TLK2: variants seen among roughly 807,000 people sequenced by gnomAD.
TLK2 encodes the protein tousled like kinase 2, also known as serine/threonine-protein kinase tousled-like 2.
Under a neutral mutation model 117.3 loss-of-function variants are expected in TLK2, and 6 were observed. That is an observed-to-expected ratio of 0.05 (90% confidence interval 0.03 to 0.10). TLK2 has a LOEUF of 0.10. TLK2 is among the 10% of genes least tolerant of loss of function. The pLI, the probability that TLK2 is intolerant of heterozygous loss-of-function variation, is 1.00. For synonymous variants in TLK2, 257 were observed against 316.7 expected, an observed-to-expected ratio of 0.81 and a Z score of 2.00; for missense variants, 299 against 901.2, an observed-to-expected ratio of 0.33 and a Z score of 8.56.
chr17:62,520,782 A>C lies in TLK2; in HGVS notation c.91A>C (p.Asn31His). Reference protein sequence around the residue: ...TGVGVSKGPLNSESSNQSLCS... With the variant: ...TGVGVSKGPLHSESSNQSLCS... ...TTTTTTTTTCTTTCAGGGACCACTT[A>C]ATAGTGAGTCTTCCAACCAGAGCTT... is the stretch of plus-strand genomic sequence containing the variant. Residue 31 changes from asparagine to histidine, a missense_variant, in exon 3 of 22, where the codon AAT becomes CAT. By Grantham distance (68) the Asn-to-His change is moderately conservative. Around this residue, in one of 4 missense-constraint regions of TLK2, gnomAD observed 105 missense variants for 218.4 expected, o/e 0.48. Transcript: ENST00000346027. 1 of 1,613,020 alleles carries C rather than the reference A, an allele frequency of 6.2e-7. No homozygotes were observed. Among genetic ancestry groups the C allele is most frequent in the Non-Finnish European group, 8.5e-7 (1 of 1,179,428 alleles).
intron 7 of TLK2, among the ~76,000 whole-genome samples, chr17:62,545,602 A>G (rs9891649): frequency 0.37 from 55,665 of 151,822 alleles, 10,387 homozygotes; most frequent in Admixed American, 0.41. Flanking sequence ...GGATGACAGA[A>G]CGAGAGACTG....
At position 62,512,322 on chromosome 17, in the gene TLK2, A is replaced by G. The variant is rs2075216640; in HGVS notation, c.82-8451A>G. Among the ~76,000 whole-genome samples, 4 of 148,616 alleles carry G rather than the reference A, an allele frequency of 2.7e-5. No homozygotes were observed. The Admixed American group carries it at 2.8e-4, about 10-fold the overall frequency. ...ACTGCAACCTCTGCCCCCTGGGTTC[A>G]AGCAATTCTCCTGCCTCAGCCTCCC... On this transcript the variant is annotated intron_variant, in intron 2 of 21. Coordinates refer to ENST00000346027, the MANE Select transcript of TLK2 (RefSeq NM_006852.6).
At chr17:62,544,571 C>T (rs1043209485) in intron 7 of TLK2, among the ~76,000 whole-genome samples, 2 of 152,136 alleles carry the variant, frequency 1.3e-5, no homozygotes, top group African/African-American at 4.8e-5. Flanking sequence ...ACCATACCAC[C>T]TGTCTTTATG....
At chr17:62,476,489 G>A (rs1453773022), upstream of TLK2, among the ~76,000 whole-genome samples, 15 of 151,958 alleles carry the variant, frequency 9.9e-5, no homozygotes, top group African/African-American at 9.7e-5. Context: ...AGGCTGAGGC[G>A]GGAGAATCGC....
At chr17:62,576,528 A>G (rs182558274) in intron 12 of TLK2, among the ~76,000 whole-genome samples, 181 bp from the exon 13 acceptor site, 4 of 152,292 alleles carry the variant, frequency 2.6e-5, no homozygotes, top group Admixed American at 6.5e-5. Context: ...CTTCCCTCAC[A>G]TCACATCTGG....
chr17:62,528,449 CTG>C (rs2076523256), intron 6 of TLK2, among the ~76,000 whole-genome samples: 1 of 152,086 alleles, frequency 6.6e-6, no homozygotes, highest in Non-Finnish European at 1.5e-5. Flanking sequence ...CAAAGTCTCA[CTG>C]TATCCCCCAG....
chr17:62,507,096 T>A (rs1301718001), intron 2 of TLK2, among the ~76,000 whole-genome samples: 2 of 152,068 alleles, frequency 1.3e-5, no homozygotes, highest in Non-Finnish European at 2.9e-5. Flanking sequence ...TTTACAGTGT[T>A]TTGTCACTTA....
At chr17:62,569,477 C>A (rs1424067208) in intron 11 of TLK2, among the ~76,000 whole-genome samples, 1 of 141,872 alleles carries the variant, frequency 7.0e-6, no homozygotes, top group Non-Finnish European at 1.5e-5. Flanking sequence ...GCTCTGTTGC[C>A]CAGGCTGGAG....
At chr17:62,555,671 G>A (rs1424790720) in intron 9 of TLK2, among the ~76,000 whole-genome samples, 1 of 151,744 alleles carries the variant, frequency 6.6e-6, no homozygotes. Flanking sequence ...TAGAGACGGG[G>A]TTTCACCATG....
At chr17:62,604,025 A>T (rs2147214938) in intron 19 of TLK2, among the ~76,000 whole-genome samples, 2 of 149,290 alleles carry the variant, frequency 1.3e-5, no homozygotes, top group Non-Finnish European at 3.0e-5. Context: ...TTTATTTGAG[A>T]CGGAGTTTCG....
In TLK2 at chr17:62,565,147, T is replaced by C. The variant is rs1372906354; in HGVS notation, c.968+10T>C. ...TTCAGAATCTTATCAAGTAAGTGAA[T>C]TGTTATGATTAAATGGAGAATTGAA... is the stretch of plus-strand genomic sequence containing the variant. On this transcript the variant is annotated intron_variant, in intron 11 of 21. Transcript: ENST00000346027. 2 of 1,594,420 alleles carry C rather than the reference T, an allele frequency of 1.3e-6. No individual in the cohort carries two copies. The highest frequency in any genetic ancestry group is 1.9e-5 in the Admixed American group (1 of 53,252).
At chr17:62,482,882 C>A (rs1357856095) in intron 2 of TLK2, among the ~76,000 whole-genome samples, 1 of 152,128 alleles carries the variant, frequency 6.6e-6, no homozygotes, top group East Asian at 1.9e-4. Flanking sequence ...GAGATGATAC[C>A]GTGATGAGAT....
In TLK2 at chr17:62,533,367, GGTGTGTGTGT is replaced by G. The variant is rs369887924; in HGVS notation, c.364-2788_364-2779del. 2.7e-5 allele frequency among the ~76,000 whole-genome samples: 3 copies of G among 111,122 alleles called. 1 individual carries two copies. Among genetic ancestry groups the G allele is most frequent in the Non-Finnish European group, 5.8e-5 (3 of 51,308 alleles). 72.9% of individuals were successfully genotyped at this position (111,122 alleles called of 152,430 possible). On this transcript the variant is annotated intron_variant, in intron 6 of 21. Coordinates refer to ENST00000346027, the MANE Select transcript of TLK2 (RefSeq NM_006852.6). ...TCCCATATGGTGTATTCCTATACGG[GGTGTGTGTGT>G]GTGTGTGTGTGTGTCTGTGTGTGTG...
chr17:62,591,418 A>G (rs2082073461), intron 16 of TLK2, among the ~76,000 whole-genome samples: 1 of 151,554 alleles, frequency 6.6e-6, no homozygotes, highest in Non-Finnish European at 1.5e-5. Context: ...GGCCAAAGCT[A>G]CATTTGCTGA....
At chr17:62,551,358 A>G (rs1291302173) in intron 7 of TLK2, among the ~76,000 whole-genome samples, 3 of 152,202 alleles carry the variant, frequency 2.0e-5, no homozygotes, top group Non-Finnish European at 4.4e-5. Flanking sequence ...AATATTTTCT[A>G]CTTATGTCTG....
At position 62,478,970 on chromosome 17, in the gene TLK2, TCCTG is replaced by T. The variant is rs2071260976; in HGVS notation, c.-324_-321del. 1 of 149,466 alleles carries T rather than the reference TCCTG, an allele frequency of 6.7e-6. No individual in the cohort carries two copies. Among genetic ancestry groups the T allele is most frequent in the Admixed American group, 6.6e-5 (1 of 15,062 alleles). The allele number at this position is 149,466 out of a possible 1,614,324, so 9.3% of individuals were successfully genotyped here. On this transcript the variant is annotated 5_prime_UTR_variant, in exon 1 of 22. Coordinates refer to ENST00000346027, the MANE Select transcript of TLK2 (RefSeq NM_006852.6). ...CCACCTCCTGGCCCGGCCTGGGCCC[TCCTG>T]CGCCTCCCTTGGCCTTTGTCCGGCG...
chr17:62,570,364 T>TG (rs2080180657), intron 11 of TLK2, among the ~76,000 whole-genome samples: 1 of 152,168 alleles, frequency 6.6e-6, no homozygotes, highest in Admixed American at 6.5e-5. Flanking sequence ...CCTCTTGCTA[T>TG]GGGTGATGAA....
At chr17:62,541,508 AAT>A (rs1301015862) in intron 7 of TLK2, among the ~76,000 whole-genome samples, 3 of 152,228 alleles carry the variant, frequency 2.0e-5, no homozygotes, top group Admixed American at 6.5e-5. Context: ...AAGATTTCTA[AAT>A]ATGTGTTGAT....
At chr17:62,473,041 C>T (rs892273970) in intron 1 of TLK2, among the ~76,000 whole-genome samples, 1 of 152,196 alleles carries the variant, frequency 6.6e-6, no homozygotes, top group African/African-American at 2.4e-5. Flanking sequence ...AACCCACTCT[C>T]ATTTTATTCC....
Sources: allele counts gnomAD v4.1 joint callset (sites outside exome capture counted in the v4.1 genomes callset), GRCh38; gene constraint gnomAD v4.1.1; regional missense constraint gnomAD v4.1.1; transcripts MANE v1.5; gene names NCBI Gene and HGNC (gene_info 2026-07-23, HGNC 2026-07-21).